The following ZNF544 variants were observed in gnomAD, a reference collection of about 807,000 sequenced individuals.
ZNF544 encodes the protein zinc finger protein AF020591.
A neutral mutation model predicts 13.5 loss-of-function variants in ZNF544; 10 were observed. That is an observed-to-expected ratio of 0.74 (90% CI 0.46 to 1.25). The LOEUF (loss-of-function observed/expected upper bound fraction) is 1.25. Among genes scored for constraint, ZNF544 ranks in the 50% most tolerant of loss-of-function variants. The pLI, the probability that ZNF544 is intolerant of heterozygous loss-of-function variation, is 0.00. For missense variants in ZNF544, 896 were observed against 845.6 expected, an observed-to-expected ratio of 1.06 and a Z score of -0.74; for synonymous variants, 323 against 300.5, an observed-to-expected ratio of 1.07 and a Z score of -0.77.
chr19:58,265,793 G>A (rs533674284), downstream of ZNF544, among the ~76,000 whole-genome samples: 6 of 151,004 alleles, frequency 4.0e-5, no homozygotes. Context: ...TCACCATGTT[G>A]CCCAGGCTGG....
intron 5 of ZNF544, among the ~76,000 whole-genome samples, chr19:58,273,826 T>C (rs891276230): frequency 2.0e-5 from 3 of 151,728 alleles, no homozygotes; most frequent in Non-Finnish European, 4.4e-5. Context: ...AGACAGAGTC[T>C]TGCTCTGCCG....
intron 6 of ZNF544, among the ~76,000 whole-genome samples, chr19:58,250,733 T>C (rs1000785010): frequency 1.3e-5 from 2 of 152,164 alleles, no homozygotes; most frequent in African/African-American, 4.8e-5. Flanking sequence ...GGTACTCTGA[T>C]AGTACTGGAG....
rs757908942 is a variant in ZNF544 at position 58,246,786 on chromosome 19, C to G, written c.236C>G (p.Ala79Gly). ...EEDLCRAEQEAPRDWKATLEE... is the reference protein window; with the variant it reads ...EEDLCRAEQEGPRDWKATLEE... ...GACCTGTGCAGGGCAGAGCAGGAGG[C>G]CCCCCGAGGTAAGAGCAGACCTTGT... is the stretch of plus-strand genomic sequence containing the variant. The change falls in exon 6 of 7, where the codon GCC (alanine) becomes GGC (glycine). Residue 79 changes from alanine (A) to glycine (G), a missense_variant. Transcript: ENST00000687789. 2 of 1,613,372 alleles carry G rather than the reference C, an allele frequency of 1.2e-6. No homozygotes were observed. The highest frequency in any genetic ancestry group is 1.7e-5 in the Admixed American group (1 of 59,962).
chr19:58,252,844 G>A (rs985933260), intron 6 of ZNF544, among the ~76,000 whole-genome samples: 4 of 151,910 alleles, frequency 2.6e-5, no homozygotes, highest in Admixed American at 1.3e-4. Flanking sequence ...TTTTTGAGAC[G>A]GAGTCTTGCT....
At chr19:58,254,268 C>T (rs905743169) in intron 6 of ZNF544, among the ~76,000 whole-genome samples, 1 of 151,996 alleles carries the variant, frequency 6.6e-6, no homozygotes, top group Admixed American at 6.6e-5. Flanking sequence ...ATACATGCAA[C>T]TCCATCTCAC....
chr19:58,252,934 C>T (rs2046533172), intron 6 of ZNF544, among the ~76,000 whole-genome samples: 1 of 152,182 alleles, frequency 6.6e-6, no homozygotes, highest in South Asian at 2.1e-4. Flanking sequence ...ATTCTCCAGC[C>T]TCAACCTCCC....
intron 6 of ZNF544, among the ~76,000 whole-genome samples, chr19:58,249,271 G>C (rs2045915830): frequency 6.6e-6 from 1 of 152,170 alleles, no homozygotes; most frequent in Non-Finnish European, 1.5e-5. Context: ...GGGATTGATA[G>C]TCTTTCTTCT....
rs1283893394 is a variant in ZNF544, at chr19:58,261,019, ACTC to A, written c.416_418del (p.Ser139del). ...AACCAGTTAAGGGAACACCAGGAGA[ACTC>A]CTTGAGGTTCATGGTACTCACCTCA... is the stretch of plus-strand genomic sequence containing the variant. On this transcript the variant is annotated inframe_deletion, in exon 7 of 7. Coordinates refer to ENST00000687789, the MANE Select transcript of ZNF544 (RefSeq NM_014480.4). 2 of 1,614,032 alleles carry A rather than the reference ACTC, an allele frequency of 1.2e-6. No individual in the cohort carries two copies. Among genetic ancestry groups the A allele is most frequent in the East Asian group, 2.2e-5 (1 of 44,864 alleles).
intron 3 of ZNF544, among the ~76,000 whole-genome samples, chr19:58,243,204 G>A (rs919316926): frequency 6.6e-6 from 1 of 152,054 alleles, no homozygotes; most frequent in African/African-American, 2.4e-5. Context: ...TCGAGTGAGC[G>A]TAGTCATATG....
chr19:58,266,003 G>C (rs982271459), downstream of ZNF544, among the ~76,000 whole-genome samples: 1 of 151,688 alleles, frequency 6.6e-6, no homozygotes, highest in Non-Finnish European at 1.5e-5. Flanking sequence ...TTAGGAGTTC[G>C]AGACCAGCCT....
downstream of ZNF544, among the ~76,000 whole-genome samples, chr19:58,269,021 ATAAG>A (rs1157460700): frequency 1.3e-5 from 2 of 152,374 alleles, no homozygotes; most frequent in African/African-American, 2.4e-5. Flanking sequence ...CATTGAACAA[ATAAG>A]TAAGAAAAAG....
rs2049055039 is a variant in ZNF544 at position 58,261,969 on chromosome 19, C to T, written c.1363C>T (p.Gln455Ter). The change falls in exon 7 of 7, where the codon CAG becomes TAG. Residue 455 changes from glutamine to a stop codon, truncating the protein, a stop_gained. Coordinates refer to ENST00000687789, the MANE Select transcript of ZNF544 (RefSeq NM_014480.4). LOFTEE classifies it low-confidence loss of function (END_TRUNC). Reference sequence around the variant, plus strand: ...GTGGAACTCTAACCTCATTGTACATCAGAGAATTCATACTGGAGAGAAACC... The same window carrying T: ...GTGGAACTCTAACCTCATTGTACATTAGAGAATTCATACTGGAGAGAAACC... ...FRWNSNLIVH[Q>*]RIHTGEKPYE... The T allele has an allele frequency of 3.1e-6, 5 of 1,613,460 alleles. No individual in the cohort carries two copies. The highest frequency in any genetic ancestry group is 1.3e-5 in the African/African-American group (1 of 74,804).
intron 3 of ZNF544, among the ~76,000 whole-genome samples, chr19:58,239,503 G>T (rs759800833): frequency 2.0e-5 from 3 of 152,220 alleles, no homozygotes; most frequent in Admixed American, 6.5e-5. Context: ...TGTTCACTGT[G>T]TGCGGGTCCT....
downstream of ZNF544, among the ~76,000 whole-genome samples, chr19:58,266,367 C>T (rs563613567): frequency 6.6e-6 from 1 of 150,564 alleles, no homozygotes; most frequent in South Asian, 2.1e-4. Context: ...TACAAAAAAT[C>T]AGCCAGGTGT....
In ZNF544 at chr19:58,246,747, T is replaced by C; in HGVS notation, c.197T>C (p.Leu66Pro). 1.2e-6 allele frequency: 2 copies of C among 1,614,116 alleles called. No homozygotes were observed. Among genetic ancestry groups the C allele is most frequent in the Non-Finnish European group, 1.7e-6 (2 of 1,179,982 alleles). Residue 66 changes from leucine to proline, a missense_variant, in exon 6 of 7, where the codon CTG becomes CCG. Transcript: ENST00000687789. ...FLSKSDVISQ[L>P]EQEEDLCRAE... ...TCCAAATCTGATGTGATCTCTCAGC[T>C]GGAGCAAGAAGAGGACCTGTGCAGG...
At position 58,261,759 on chromosome 19, in the gene ZNF544, T is replaced by C. The variant is rs200946554; in HGVS notation, c.1153T>C (p.Cys385Arg). 6.2e-7 allele frequency: 1 copy of C among 1,614,122 alleles called. No homozygotes were observed. Among genetic ancestry groups the C allele is most frequent in the Non-Finnish European group, 8.5e-7 (1 of 1,180,012 alleles). Residue 385 changes from cysteine to arginine, a missense_variant, in exon 7 of 7, where the codon TGT (cysteine) becomes CGT (arginine). By Grantham distance (180) the Cys-to-Arg change is radical (BLOSUM62 -3). Coordinates refer to ENST00000687789, the MANE Select transcript of ZNF544 (RefSeq NM_014480.4). ...TGEKPFECTQ[C>R]GKSFSQSYDL... is the part of the protein sequence containing the mutation. ...AGAAAAGCCCTTCGAATGTACTCAG[T>C]GTGGGAAATCTTTTAGCCAGAGCTA...
intron 6 of ZNF544, among the ~76,000 whole-genome samples, chr19:58,252,358 A>G (rs1021982547): frequency 6.6e-6 from 1 of 152,182 alleles, no homozygotes; most frequent in African/African-American, 2.4e-5. Context: ...CTTGTCCTAA[A>G]CATCCCTCTT....
intron 6 of ZNF544, among the ~76,000 whole-genome samples, chr19:58,250,903 G>C (rs1322757548): frequency 6.6e-6 from 1 of 152,150 alleles, no homozygotes; most frequent in Non-Finnish European, 1.5e-5. Flanking sequence ...CTGTCTTTGA[G>C]TTAAATGTAA....
intron 6 of ZNF544, among the ~76,000 whole-genome samples, chr19:58,252,797 C>T (rs2046498970): frequency 1.3e-5 from 2 of 152,138 alleles, no homozygotes; most frequent in Admixed American, 1.3e-4. Flanking sequence ...TTCCCCGTAT[C>T]ATAATCCTTC....
Sources: allele counts gnomAD v4.1 joint callset (sites outside exome capture counted in the v4.1 genomes callset), GRCh38; gene constraint gnomAD v4.1.1; transcripts MANE v1.5; gene names NCBI Gene and HGNC (gene_info 2026-07-23, HGNC 2026-07-21).